The following SYNPO2 variants were observed in gnomAD, a reference collection of about 807,000 sequenced individuals.
SYNPO2 encodes synaptopodin-2.
A neutral mutation model predicts 85.0 loss-of-function variants in SYNPO2; 56 were observed. The ratio of observed to expected loss-of-function variants is 0.66; its 90% CI spans 0.53 to 0.82. The LOEUF is 0.82. Ranked by LOEUF, SYNPO2 falls within the 40% of genes least tolerant of loss-of-function variation. SYNPO2 has a pLI of 0.00. For missense variants in SYNPO2, 1,575 were observed against 1,534.2 expected (o/e 1.03, Z -0.44); for synonymous variants, 602 against 591.1 (o/e 1.02, Z -0.27).
intron 1 of SYNPO2, among the ~76,000 whole-genome samples, chr4:118,931,645 A>G (rs760383447): frequency 1.3e-5 from 2 of 152,218 alleles, no homozygotes; most frequent in Non-Finnish European, 2.9e-5. Flanking sequence ...TAAGCGAGGC[A>G]TAGAAAATTA....
chr4:118,981,568 A>G (rs950698160), intron 1 of SYNPO2, among the ~76,000 whole-genome samples: 1 of 152,280 alleles, frequency 6.6e-6, no homozygotes, highest in Middle Eastern at 3.4e-3. Flanking sequence ...TCTCCATACA[A>G]TGTATGCCCT....
intron 1 of SYNPO2, among the ~76,000 whole-genome samples, chr4:118,968,965 A>G (rs1282271981): frequency 6.6e-6 from 1 of 152,208 alleles, no homozygotes; most frequent in Non-Finnish European, 1.5e-5. Flanking sequence ...CAAAAACGAA[A>G]ACAAAACAGA....
Position 119,057,944 on chromosome 4 carries a change from G to A in SYNPO2, c.*10G>A, listed in dbSNP as rs1042000243. The A allele has an allele frequency of 5.0e-6, 8 of 1,602,956 alleles. No individual in the cohort carries two copies. In the African/African-American group the frequency reaches 9.5e-5, roughly 19 times the overall value. ...GAGACGCCAAACATGAAAGTTAGAA[G>A]AACGGATCATGTGCCAACTGTAGTT... is the stretch of plus-strand genomic sequence containing the variant. On this transcript the variant is annotated 3_prime_UTR_variant, in exon 5 of 5. Transcript: ENST00000307142.
chr4:119,012,216 C>T (rs1737337593), intron 1 of SYNPO2, among the ~76,000 whole-genome samples: 1 of 152,012 alleles, frequency 6.6e-6, no homozygotes, highest in African/African-American at 2.4e-5. Context: ...AACCACTGTG[C>T]CCAGCCACCT....
At chr4:118,973,015 A>C (rs915913878) in intron 1 of SYNPO2, among the ~76,000 whole-genome samples, 1 of 152,184 alleles carries the variant, frequency 6.6e-6, no homozygotes, top group African/African-American at 2.4e-5. Context: ...TCAACTTTAC[A>C]ATGGGCTTAT....
chr4:118,903,072 A>G (rs1359214712), intron 1 of SYNPO2, among the ~76,000 whole-genome samples: 1 of 152,210 alleles, frequency 6.6e-6, no homozygotes, highest in Non-Finnish European at 1.5e-5. Flanking sequence ...CATCTGTAGA[A>G]TAAGGTACTA....
chr4:118,963,774 A>G (rs1735194070), intron 1 of SYNPO2, among the ~76,000 whole-genome samples: 1 of 152,242 alleles, frequency 6.6e-6, no homozygotes, highest in South Asian at 2.1e-4. Flanking sequence ...CTTTAATTAC[A>G]GAGGTACAAT....
At chr4:118,983,407 A>G (rs562575840) in intron 1 of SYNPO2, among the ~76,000 whole-genome samples, 3 of 152,024 alleles carry the variant, frequency 2.0e-5, no homozygotes, top group South Asian at 2.1e-4. Context: ...TTTCCCTTGC[A>G]TTATTTTCTC....
chr4:118,994,121 A>G (rs977886310), intron 1 of SYNPO2, among the ~76,000 whole-genome samples: 1 of 152,262 alleles, frequency 6.6e-6, no homozygotes, highest in Non-Finnish European at 1.5e-5. Context: ...CAAAGAATCT[A>G]ATTTCTTTCT....
chr4:119,022,659 A>G (rs549388086), intron 1 of SYNPO2, among the ~76,000 whole-genome samples: 1 of 145,596 alleles, frequency 6.9e-6, no homozygotes, highest in South Asian at 2.2e-4. Flanking sequence ...CCTGGCCTGA[A>G]TTATTTATTT....
intron 1 of SYNPO2, among the ~76,000 whole-genome samples, chr4:118,954,928 T>C (rs192895155): frequency 6.6e-6 from 1 of 152,100 alleles, no homozygotes; most frequent in East Asian, 1.9e-4. Flanking sequence ...GTAAAATACA[T>C]TGCCCAAGCC....
intron 1 of SYNPO2, among the ~76,000 whole-genome samples, chr4:118,976,057 A>T (rs1170993318): frequency 1.3e-5 from 2 of 152,206 alleles, no homozygotes; most frequent in Non-Finnish European, 2.9e-5. Flanking sequence ...CAATAACTGG[A>T]TTGACTCTAG....
At chr4:118,987,761 G>A (rs1350124639) in intron 1 of SYNPO2, among the ~76,000 whole-genome samples, 1 of 151,852 alleles carries the variant, frequency 6.6e-6, no homozygotes, top group Non-Finnish European at 1.5e-5. Flanking sequence ...AAGTATATTA[G>A]CAGTGTTATT....
intron 1 of SYNPO2, among the ~76,000 whole-genome samples, chr4:118,851,958 T>C (rs2389690): frequency 0.88 from 133,931 of 151,750 alleles, 59,226 homozygotes; most frequent in Middle Eastern, 0.94. Flanking sequence ...GTTTTTTTTT[T>C]CCCTAGAGGT....
intron 4 of SYNPO2, among the ~76,000 whole-genome samples, chr4:119,053,994 A>G (rs1407418978): frequency 1.3e-5 from 2 of 152,156 alleles, no homozygotes; most frequent in Non-Finnish European, 2.9e-5. Context: ...ATAACTGACT[A>G]AAGCAGTCCC....
At chr4:119,037,335 G>T in intron 4 of SYNPO2, 1 of 1,248,544 alleles carries the variant, frequency 8.0e-7, no homozygotes, top group East Asian at 3.1e-5. Flanking sequence ...ACTTGGCCCT[G>T]AGTTGAAAAA....
intron 1 of SYNPO2, among the ~76,000 whole-genome samples, chr4:118,851,784 AC>A (rs1485565166): frequency 2.6e-5 from 4 of 152,176 alleles, no homozygotes; most frequent in African/African-American, 9.7e-5. Context: ...GATTATCATA[AC>A]CACCTCTATA....
chr4:118,995,632 T>A (rs1736557352), intron 1 of SYNPO2, among the ~76,000 whole-genome samples: 1 of 152,062 alleles, frequency 6.6e-6, no homozygotes, highest in African/African-American at 2.4e-5. Flanking sequence ...AGCTTCAGAG[T>A]CAAATTATAA....
intron 1 of SYNPO2, among the ~76,000 whole-genome samples, chr4:118,879,501 A>C (rs951286056): frequency 6.6e-6 from 1 of 152,190 alleles, no homozygotes; most frequent in Non-Finnish European, 1.5e-5. Flanking sequence ...ATCTTTCTCT[A>C]TGTGAGGACA....
Sources: gnomAD v4.1 joint callset for allele counts (sites outside exome capture counted in the v4.1 genomes callset) on GRCh38, gnomAD v4.1.1 for gene constraint, MANE v1.5 for transcripts, NCBI Gene and HGNC (gene_info 2026-07-23, HGNC 2026-07-21) for gene names.